SLAMF6: variants seen among roughly 807,000 people sequenced by gnomAD.
SLAMF6 encodes the protein SLAM family member 6.
Under a neutral mutation model 38.3 loss-of-function variants are expected in SLAMF6, and 21 were observed. That is an observed-to-expected ratio of 0.55 (90% CI 0.39 to 0.79). SLAMF6 has a LOEUF of 0.79. Among genes scored for constraint, SLAMF6 ranks in the 30% least tolerant of loss-of-function variants. The probability of loss-of-function intolerance (pLI) is 0.00; values close to 1 mark genes in which losing one functional copy is unlikely to be tolerated. For synonymous variants in SLAMF6, 152 were observed against 146.3 expected (o/e 1.04, Z -0.28); for missense variants, 341 against 385.3 (o/e 0.89, Z 0.96).
At chr1:160,500,437 C>T (rs1481925364) in intron 1 of SLAMF6, among the ~76,000 whole-genome samples, 1 of 152,122 alleles carries the variant, frequency 6.6e-6, no homozygotes, top group Non-Finnish European at 1.5e-5. Flanking sequence ...GTACTTTCTC[C>T]AAGTATCCAT....
At chr1:160,513,080 A>G (rs370979848) in intron 1 of SLAMF6, among the ~76,000 whole-genome samples, 2 of 152,230 alleles carry the variant, frequency 1.3e-5, no homozygotes, top group South Asian at 4.1e-4. Flanking sequence ...CTAAAGGAGT[A>G]TGTTCTAACT....
At position 160,486,562 on chromosome 1, in the gene SLAMF6, C is replaced by T; in HGVS notation, c.*145G>A. ...TTGACTCAGGTAGGCAGGTTTAAGT[C>T]CGAAGGACTGGAGGTGATCATCCTA... On this transcript the variant is annotated 3_prime_UTR_variant, in exon 8 of 8. Transcript: ENST00000368057. 1 of 757,134 alleles carries T rather than the reference C, an allele frequency of 1.3e-6. No homozygotes were observed. The highest frequency in any genetic ancestry group is 2.2e-6 in the Non-Finnish European group (1 of 461,004). 46.9% of individuals were successfully genotyped at this position (757,134 alleles called of 1,614,324 possible).
At chr1:160,489,000 TTTG>T (rs1653121649) in intron 6 of SLAMF6, 85 bp downstream of exon 6, 1 of 1,255,428 alleles carries the variant, frequency 8.0e-7, no homozygotes. Context: ...TCAGTGGTCA[TTTG>T]TTCAGTCAGA....
chr1:160,519,781 AG>A (rs1019953646), intron 1 of SLAMF6, among the ~76,000 whole-genome samples: 1 of 75,270 alleles, frequency 1.3e-5, no homozygotes, highest in African/African-American at 5.2e-5. Context: ...GGTATTTGCC[AG>A]GGGCTGGGGG....
At chr1:160,494,875 C>T (rs114635064) in intron 2 of SLAMF6, among the ~76,000 whole-genome samples, 1,888 of 152,192 alleles carry the variant, frequency 0.012, 43 homozygotes, top group African/African-American at 0.043. Flanking sequence ...ATTTCTGTTA[C>T]GCCACCTACT....
In SLAMF6 at chr1:160,491,321, A is replaced by C; in HGVS notation, c.450T>G (p.His150Gln). The change falls in exon 3 of 8, where the codon CAT (histidine) becomes CAG (glutamine). Residue 150 changes from histidine to glutamine, a missense_variant. His to Gln is a conservative substitution (Grantham distance 24). Coordinates refer to ENST00000368057, the MANE Select transcript of SLAMF6 (RefSeq NM_001184714.2). ...CTGCATCCTCCACAGAGCAAGTCAGATGGAGCTCACAGGTCATATTCTGAA... is the reference window on the plus strand; with the variant it reads ...CTGCATCCTCCACAGAGCAAGTCAGCTGGAGCTCACAGGTCATATTCTGAA... ...QLFQNMTCEL[H>Q]LTCSVEDADD... is the part of the protein sequence containing the mutation. 6.2e-7 allele frequency: 1 copy of C among 1,614,014 alleles called. No individual in the cohort carries two copies. The highest frequency in any genetic ancestry group is 8.5e-7 in the Non-Finnish European group (1 of 1,179,956).
In SLAMF6 at chr1:160,486,604, T is replaced by G; in HGVS notation, c.*103A>C. On this transcript the variant is annotated 3_prime_UTR_variant, in exon 8 of 8. Transcript: ENST00000368057. ...ATCATCCTATCCTAGATATTCAAATTCTGTTGCCAGGAACAACAGGAACCA... is the reference window on the plus strand; with the variant it reads ...ATCATCCTATCCTAGATATTCAAATGCTGTTGCCAGGAACAACAGGAACCA... 8.1e-7 allele frequency: 1 copy of G among 1,241,620 alleles called. No homozygotes were observed. Among genetic ancestry groups the G allele is most frequent in the Non-Finnish European group, 1.2e-6 (1 of 853,828 alleles). 76.9% of individuals were successfully genotyped at this position (1,241,620 alleles called of 1,614,324 possible). A position where few individuals can be genotyped will look rare whatever the true frequency, so the allele number is the denominator to read the frequency against.
At chr1:160,517,530 T>C (rs1026706970) in intron 1 of SLAMF6, among the ~76,000 whole-genome samples, 1 of 152,134 alleles carries the variant, frequency 6.6e-6, no homozygotes, top group African/African-American at 2.4e-5. Context: ...TATAAATCGC[T>C]CTGTTACAAA....
chr1:160,496,184 T>G lies in SLAMF6; in HGVS notation c.259A>C (p.Asn87His). 1 of 1,613,928 alleles carries G rather than the reference T, an allele frequency of 6.2e-7. No individual in the cohort carries two copies. Reference protein sequence around the residue: ...VTNPKQGKRLNFTQSYSLQLS... With the variant: ...VTNPKQGKRLHFTQSYSLQLS... Reference sequence around the variant, plus strand: ...TGCAGGGAGTAGGACTGGGTGAAGTTCAGTCGCTTTCCCTGTTTCGGATTA... The same window carrying G: ...TGCAGGGAGTAGGACTGGGTGAAGTGCAGTCGCTTTCCCTGTTTCGGATTA... The change falls in exon 2 of 8, where the codon AAC (asparagine) becomes CAC (histidine). Residue 87 changes from asparagine to histidine, a missense_variant. Coordinates refer to ENST00000368057, the MANE Select transcript of SLAMF6 (RefSeq NM_001184714.2).
In SLAMF6 at chr1:160,486,657, G is replaced by A. The variant is rs767317328; in HGVS notation, c.*50C>T. The A allele has an allele frequency of 3.2e-6, 5 of 1,540,192 alleles. No individual in the cohort carries two copies. The highest frequency in any genetic ancestry group is 3.6e-6 in the Non-Finnish European group (4 of 1,113,548). ...CTTCCTGTTCTTTGTTCTGTCTCATGGGATCAGAAGACGTGTCATTCCCGA... is the reference window on the plus strand; with the variant it reads ...CTTCCTGTTCTTTGTTCTGTCTCATAGGATCAGAAGACGTGTCATTCCCGA... On this transcript the variant is annotated 3_prime_UTR_variant, in exon 8 of 8. Transcript: ENST00000368057.
At chr1:160,501,166 A>C (rs1171057849) in intron 1 of SLAMF6, among the ~76,000 whole-genome samples, 1 of 152,140 alleles carries the variant, frequency 6.6e-6, no homozygotes, top group African/African-American at 2.4e-5. Flanking sequence ...AATTAGTAAA[A>C]CCTTAGGAAC....
At chr1:160,493,609 C>T (rs1653417116) in intron 2 of SLAMF6, among the ~76,000 whole-genome samples, 1 of 152,164 alleles carries the variant, frequency 6.6e-6, no homozygotes, top group South Asian at 2.1e-4. Flanking sequence ...TTATCCATGT[C>T]TAACAAATAT....
At chr1:160,521,557 TTCTC>T (rs906290137) in intron 1 of SLAMF6, among the ~76,000 whole-genome samples, 1 of 152,148 alleles carries the variant, frequency 6.6e-6, no homozygotes, top group African/African-American at 2.4e-5. Flanking sequence ...AAGGAAAGAA[TTCTC>T]TCTCTTTCTG....
intron 6 of SLAMF6, among the ~76,000 whole-genome samples, chr1:160,487,390 C>T (rs538818646): frequency 6.6e-6 from 1 of 152,334 alleles, no homozygotes; most frequent in African/African-American, 2.4e-5. Flanking sequence ...AACAGCAACA[C>T]TGCAGCAAAC....
chr1:160,488,820 A>G (rs1041068), intron 6 of SLAMF6, among the ~76,000 whole-genome samples: 106,643 of 152,080 alleles, frequency 0.7, 37,514 homozygotes, highest in South Asian at 0.78. Flanking sequence ...ACTTTCAGTC[A>G]GCTTGTAATT....
chr1:160,508,249 C>A (rs1654290789), intron 1 of SLAMF6, among the ~76,000 whole-genome samples: 1 of 152,192 alleles, frequency 6.6e-6, no homozygotes, highest in Non-Finnish European at 1.5e-5. Flanking sequence ...CACTACCTGA[C>A]TTCAAAATAT....
chr1:160,516,522 C>T (rs1050864314), intron 1 of SLAMF6, among the ~76,000 whole-genome samples: 2 of 151,964 alleles, frequency 1.3e-5, no homozygotes, highest in South Asian at 2.1e-4. Flanking sequence ...TTATATGGAA[C>T]CAAAAAAGGG....
At position 160,485,346 on chromosome 1, in the gene SLAMF6, C is replaced by G. The variant is rs865925931; in HGVS notation, c.*1361G>C. On this transcript the variant is annotated 3_prime_UTR_variant, in exon 8 of 8. Coordinates refer to ENST00000368057, the MANE Select transcript of SLAMF6 (RefSeq NM_001184714.2). ...GGATTACAGGTGTGAGCCACCATGC[C>G]CAGCCTAGAAGATTCATTTTAGAAA... is the stretch of plus-strand genomic sequence containing the variant. 6.6e-6 allele frequency: 1 copy of G among 152,208 alleles called. No homozygotes were observed. Among genetic ancestry groups the G allele is most frequent in the Non-Finnish European group, 1.5e-5 (1 of 68,078 alleles). 9.4% of individuals were successfully genotyped at this position (152,208 alleles called of 1,614,324 possible).
rs1286569326 is a variant in SLAMF6 at position 160,486,330 on chromosome 1, C to A, written c.*377G>T. Reference sequence around the variant, plus strand: ...ATGTAACCAACACACTGCATTATTTCTCAATAAGTCAATCCTGCTGCTTTC... The same window carrying A: ...ATGTAACCAACACACTGCATTATTTATCAATAAGTCAATCCTGCTGCTTTC... On this transcript the variant is annotated 3_prime_UTR_variant, in exon 8 of 8. Coordinates refer to ENST00000368057, the MANE Select transcript of SLAMF6 (RefSeq NM_001184714.2). 1 of 212,478 alleles carries A rather than the reference C, an allele frequency of 4.7e-6. No individual in the cohort carries two copies. The highest frequency in any genetic ancestry group is 9.5e-6 in the Non-Finnish European group (1 of 105,256). 13.2% of individuals were successfully genotyped at this position (212,478 alleles called of 1,614,324 possible). A position where few individuals can be genotyped will look rare whatever the true frequency, so the allele number is the denominator to read the frequency against.
Sources: allele counts gnomAD v4.1 joint callset (sites outside exome capture counted in the v4.1 genomes callset), GRCh38; gene constraint gnomAD v4.1.1; transcripts MANE v1.5; gene names NCBI Gene and HGNC (gene_info 2026-07-23, HGNC 2026-07-21).